The following GRB2 variants were observed in gnomAD, a reference collection of about 807,000 sequenced individuals.
GRB2 encodes growth factor receptor bound protein 2, also known as growth factor receptor-bound protein 2.
Under a neutral mutation model 27.4 loss-of-function variants are expected in GRB2, and 2 were observed. The ratio of observed to expected loss-of-function variants is 0.07; its 90% CI spans 0.03 to 0.23. GRB2 has a LOEUF of 0.23. Ranked by LOEUF, GRB2 falls within the 10% of genes least tolerant of loss-of-function variation. The pLI, the probability that GRB2 is intolerant of heterozygous loss-of-function variation, is 1.00. For synonymous variants in GRB2, 94 were observed against 99.6 expected (o/e 0.94, Z 0.33); for missense variants, 102 against 282.4 (o/e 0.36, Z 4.58).
chr17:75,379,396 T>A lies in GRB2; in HGVS notation c.78+14155A>T, dbSNP rs142649440. ...GAATTAAATAAAGAAGACACTTGAT[T>A]TCTTAAAAAAAAAAAAAAGAAAGAC... On this transcript the variant is annotated intron_variant, in intron 2 of 5. Coordinates refer to ENST00000316804, the MANE Select transcript of GRB2 (RefSeq NM_002086.5). 6.2e-3 allele frequency among the ~76,000 whole-genome samples: 496 copies of A among 79,746 alleles called. 1 individual carries two copies. The highest frequency in any genetic ancestry group is 0.015 in the African/African-American group (476 of 31,908). 52.3% of individuals were successfully genotyped at this position (79,746 alleles called of 152,430 possible). A position where few individuals can be genotyped will look rare whatever the true frequency, so the allele number is the denominator to read the frequency against.
In GRB2 at chr17:75,332,774, C is replaced by T. The variant is rs139205731; in HGVS notation, c.102G>A (p.Gln34=). The change falls in exon 3 of 6, where the codon CAG becomes CAA. Residue 34 remains glutamine (Q), a synonymous_variant. Transcript: ENST00000316804. ...ILKVLNEECD[Q]NWYKAELNGK... ...CATTAAGCTCTGCCTTGTACCAGTTCTGATCACATTCTTCGTTCAAAACCT... is the reference window on the plus strand; with the variant it reads ...CATTAAGCTCTGCCTTGTACCAGTTTTGATCACATTCTTCGTTCAAAACCT... 143 of 1,608,692 alleles carry T rather than the reference C, an allele frequency of 8.9e-5. 1 individual carries two copies. In the African/African-American group the frequency reaches 1.7e-3, roughly 19 times the overall value.
chr17:75,386,930 C>T (rs144230695), intron 2 of GRB2, among the ~76,000 whole-genome samples: 139 of 151,504 alleles, frequency 9.2e-4, no homozygotes, highest in Middle Eastern at 3.5e-3. Flanking sequence ...AACCCCAGCA[C>T]TTTGGGAGGC....
intron 1 of GRB2, among the ~76,000 whole-genome samples, chr17:75,395,516 G>A (rs1161209836): frequency 1.3e-5 from 2 of 152,136 alleles, no homozygotes; most frequent in East Asian, 3.8e-4. Context: ...AGTATTAAAA[G>A]GCTTATGAAA....
At chr17:75,342,276 C>T (rs189923719) in intron 2 of GRB2, among the ~76,000 whole-genome samples, 6 of 152,286 alleles carry the variant, frequency 3.9e-5, no homozygotes, top group Admixed American at 3.9e-4. Flanking sequence ...TGGCTCCATA[C>T]CCAGTTCTCA....
chr17:75,376,872 T>C (rs2078897307), intron 2 of GRB2, among the ~76,000 whole-genome samples: 1 of 150,238 alleles, frequency 6.7e-6, no homozygotes. Flanking sequence ...AAACAAAAAC[T>C]AGTTGGGCAT....
intron 1 of GRB2, among the ~76,000 whole-genome samples, chr17:75,402,917 A>C (rs2079072399): frequency 6.6e-6 from 1 of 151,610 alleles, no homozygotes; most frequent in Non-Finnish European, 1.5e-5. Flanking sequence ...CTCTACTAAA[A>C]ATACACAATT....
intron 2 of GRB2, among the ~76,000 whole-genome samples, chr17:75,341,447 T>TTA (rs1480604640): frequency 7.3e-5 from 8 of 110,278 alleles, no homozygotes; most frequent in African/African-American, 3.1e-4. Flanking sequence ...GTGACTCCAT[T>TTA]AAAAAAAAAA....
intron 2 of GRB2, among the ~76,000 whole-genome samples, chr17:75,387,221 G>T (rs2078969891): frequency 6.6e-6 from 1 of 151,958 alleles, no homozygotes; most frequent in Admixed American, 6.6e-5. Flanking sequence ...TGTAATCCTA[G>T]CCAAGGTGGG....
At chr17:75,329,338 T>A (rs539960517) in intron 3 of GRB2, among the ~76,000 whole-genome samples, 1 of 152,296 alleles carries the variant, frequency 6.6e-6, no homozygotes, top group South Asian at 2.1e-4. Flanking sequence ...AAAAGTAAGA[T>A]GCTTCCCTCA....
At chr17:75,324,849 G>A (rs2078488139) in intron 4 of GRB2, among the ~76,000 whole-genome samples, 1 of 152,090 alleles carries the variant, frequency 6.6e-6, no homozygotes, top group African/African-American at 2.4e-5. Flanking sequence ...GTCGAGGTGG[G>A]TGGATCACCT....
At chr17:75,337,898 C>CTATTATTATTATTAT (rs1187281414) in intron 2 of GRB2, among the ~76,000 whole-genome samples, 8 of 133,566 alleles carry the variant, frequency 6.0e-5, no homozygotes, top group African/African-American at 1.2e-4. Context: ...ACTACTACTA[C>CTATTATTATTATTAT]TACTATTATT....
intron 2 of GRB2, among the ~76,000 whole-genome samples, chr17:75,362,264 CATT>C (rs1482835633): frequency 1.3e-5 from 2 of 152,206 alleles, no homozygotes; most frequent in Non-Finnish European, 2.9e-5. Context: ...TCTTTGTAGA[CATT>C]TTTTCCTTAA....
chr17:75,347,957 G>A (rs1230871535), intron 2 of GRB2, among the ~76,000 whole-genome samples: 2 of 152,192 alleles, frequency 1.3e-5, no homozygotes, highest in African/African-American at 4.8e-5. Context: ...AGTGACATTT[G>A]TTATGGGGCA....
chr17:75,393,290 G>C, intron 2 of GRB2: 1 of 529,648 alleles, frequency 1.9e-6, no homozygotes, highest in Non-Finnish European at 3.3e-6. Flanking sequence ...ACATTACTTT[G>C]ACTTTACTTG....
intron 1 of GRB2, among the ~76,000 whole-genome samples, chr17:75,401,903 A>C (rs2079066401): frequency 6.6e-6 from 1 of 152,256 alleles, no homozygotes. Flanking sequence ...AGAGACCTTA[A>C]CTAGTATTTT....
intron 2 of GRB2, among the ~76,000 whole-genome samples, chr17:75,353,586 C>T (rs1312258964): frequency 1.3e-5 from 2 of 151,864 alleles, no homozygotes; most frequent in African/African-American, 2.4e-5. Flanking sequence ...ACGGTGAAAC[C>T]CCGCCTCTAC....
intron 2 of GRB2, among the ~76,000 whole-genome samples, chr17:75,368,215 G>GTTTT (rs35158011): frequency 7.6e-6 from 1 of 131,656 alleles, no homozygotes. Context: ...GTGCTCAGCT[G>GTTTT]TTTTTTTTTT....
intron 2 of GRB2, among the ~76,000 whole-genome samples, chr17:75,333,776 G>C (rs2078557033): frequency 6.6e-6 from 1 of 152,184 alleles, no homozygotes; most frequent in East Asian, 1.9e-4. Flanking sequence ...AAGTTAGATA[G>C]TGCTGAAAGC....
Position 75,352,217 on chromosome 17 carries a change from G to A in GRB2, c.79-19420C>T, listed in dbSNP as rs142328245. Among the ~76,000 whole-genome samples, 740 of 152,296 alleles carry A rather than the reference G, an allele frequency of 4.9e-3. 6 individuals are homozygous for A. Among genetic ancestry groups the A allele is most frequent in the African/African-American group, 0.016 (684 of 41,556 alleles). ...GGGAGGGCTGGGGGGCAGGGCAGCC[G>A]CAGCACAGCCCCTGCTCTTGGCAGG... On this transcript the variant is annotated intron_variant, in intron 2 of 5. Coordinates refer to ENST00000316804, the MANE Select transcript of GRB2 (RefSeq NM_002086.5).
Sources: allele counts gnomAD v4.1 joint callset (sites outside exome capture counted in the v4.1 genomes callset), GRCh38; gene constraint gnomAD v4.1.1; transcripts MANE v1.5; gene names NCBI Gene and HGNC (gene_info 2026-07-23, HGNC 2026-07-21).